Variants in CFAP44 observed in about 807,000 individuals in gnomAD.
The protein encoded by CFAP44 is cilia and flagella associated protein 44, also known as cilia- and flagella-associated protein 44.
CFAP44 carries 134 observed loss-of-function variants against 216.2 expected under a neutral mutation model. That is an observed-to-expected ratio of 0.62 (90% CI 0.54 to 0.72). The LOEUF (loss-of-function observed/expected upper bound fraction) is 0.72, where lower values mean the gene tolerates loss of function less well. Ranked by LOEUF, CFAP44 falls within the 30% of genes least tolerant of loss-of-function variation. CFAP44 has a pLI of 0.00. For synonymous variants in CFAP44, 700 were observed against 727.6 expected, an observed-to-expected ratio of 0.96 and a Z score of 0.61; for missense variants, 2,035 against 2,182.1, an observed-to-expected ratio of 0.93 and a Z score of 1.34.
intron 1 of CFAP44, among the ~76,000 whole-genome samples, chr3:113,436,495 A>G (rs916298866): frequency 6.6e-6 from 1 of 152,218 alleles, no homozygotes; most frequent in African/African-American, 2.4e-5. Flanking sequence ...GAAATCAACA[A>G]TTCTCTTTCA....
intron 28 of CFAP44, among the ~76,000 whole-genome samples, chr3:113,311,940 T>G (rs886976296): frequency 2.6e-5 from 4 of 152,138 alleles, no homozygotes; most frequent in Admixed American, 1.3e-4. Flanking sequence ...CCCTAGAGAT[T>G]TGTGGAACTT....
rs774801350 is a variant in CFAP44, at chr3:113,407,020, C to T, written c.912G>A (p.Thr304=). ...GHIKFWEMAF[T]FTGLKLQGSL... is the part of the protein sequence containing the mutation. ...ATCCCTGCAGCTTGAGACCGGTGAACGTAAAAGCCATTTCCCAGAACCTAC... is the reference window on the plus strand; with the variant it reads ...ATCCCTGCAGCTTGAGACCGGTGAATGTAAAAGCCATTTCCCAGAACCTAC... The change falls in exon 8 of 35, where the codon ACG becomes ACA. Residue 304 remains threonine (T), a synonymous_variant. Coordinates refer to ENST00000393845, the MANE Select transcript of CFAP44 (RefSeq NM_001164496.2). 9 of 1,613,984 alleles carry T rather than the reference C, an allele frequency of 5.6e-6. No homozygotes were observed. The highest frequency in any genetic ancestry group is 1.7e-4 in the Middle Eastern group (1 of 6,058).
intron 7 of CFAP44, 24 bp downstream of exon 7, chr3:113,409,082 A>T: frequency 1.3e-6 from 2 of 1,559,182 alleles, no homozygotes; most frequent in Non-Finnish European, 1.8e-6. Context: ...ATCTACTGGC[A>T]CCTCTATTGG....
At chr3:113,355,800 T>C (rs1478803256) in intron 22 of CFAP44, among the ~76,000 whole-genome samples, 2 of 151,094 alleles carry the variant, frequency 1.3e-5, no homozygotes, top group African/African-American at 4.9e-5. Context: ...AAAATTTAAG[T>C]ATATACAGAA....
At chr3:113,415,778 A>G (rs1934628599) in intron 6 of CFAP44, among the ~76,000 whole-genome samples, 1 of 152,100 alleles carries the variant, frequency 6.6e-6, no homozygotes, top group Admixed American at 6.6e-5. Flanking sequence ...TTTACTTCCA[A>G]TTATGTGGTC....
chr3:113,400,593 C>T lies in CFAP44; in HGVS notation c.1426G>A (p.Val476Met), dbSNP rs140356033. 4.4e-3 allele frequency: 7,023 copies of T among 1,610,688 alleles called. 24 individuals are homozygous for T. The highest frequency in any genetic ancestry group is 5.4e-3 in the Non-Finnish European group (6,329 of 1,178,332). The stretch of plus-strand genomic sequence containing the variant: ...AGATAAGTGAGAGGAGAAACAGCCA[C>T]GGCTTCAATAGCTCCAGAATGGAAG... ...FSFHSGAIEA[V>M]AVSPLTYLMA... Residue 476 changes from valine to methionine, a missense_variant, in exon 12 of 35, where the codon GTG becomes ATG. This residue lies in a region of CFAP44 where 1,883 missense variants were observed against 2,023.7 expected (regional missense o/e 0.93). Coordinates refer to ENST00000393845, the MANE Select transcript of CFAP44 (RefSeq NM_001164496.2).
At chr3:113,319,814 C>A (rs1384979346) in intron 28 of CFAP44, among the ~76,000 whole-genome samples, 4 of 151,992 alleles carry the variant, frequency 2.6e-5, no homozygotes, top group Non-Finnish European at 1.5e-5. Flanking sequence ...ATTGCTATAT[C>A]ACTAGTTAGA....
intron 28 of CFAP44, among the ~76,000 whole-genome samples, chr3:113,316,979 T>C (rs560845980): frequency 6.6e-6 from 1 of 151,546 alleles, no homozygotes; most frequent in Non-Finnish European, 1.5e-5. Flanking sequence ...CCACCATAAT[T>C]TAAAAATGTC....
chr3:113,418,940 G>A (rs1464786484), intron 5 of CFAP44, among the ~76,000 whole-genome samples: 2 of 151,762 alleles, frequency 1.3e-5, no homozygotes, highest in African/African-American at 2.4e-5. Context: ...TCCTGACCTC[G>A]TGATCCACCC....
At chr3:113,298,364 A>C (rs1949902100) in intron 32 of CFAP44, among the ~76,000 whole-genome samples, 1 of 152,142 alleles carries the variant, frequency 6.6e-6, no homozygotes, top group Non-Finnish European at 1.5e-5. Flanking sequence ...TCTCACCCTC[A>C]TGTTCTAGGC....
At chr3:113,401,376 A>G in intron 10 of CFAP44, 89 bp from the exon 11 acceptor site, 2 of 1,289,116 alleles carry the variant, frequency 1.6e-6, no homozygotes. Context: ...TAAAGTAAGG[A>G]CAAGCAATAA....
At chr3:113,408,179 G>A (rs1483491330) in intron 7 of CFAP44, among the ~76,000 whole-genome samples, 3 of 152,192 alleles carry the variant, frequency 2.0e-5, no homozygotes, top group African/African-American at 7.2e-5. Flanking sequence ...TAGAGACACT[G>A]ATAATCAAGT....
At chr3:113,320,416 T>TATATATATGATATATATTG (rs1236826573) in intron 28 of CFAP44, among the ~76,000 whole-genome samples, 3 of 127,168 alleles carry the variant, frequency 2.4e-5, no homozygotes, top group African/African-American at 6.2e-5. Flanking sequence ...ATATACATGA[T>TATATATATGATATATATTG]ATATATATGA....
chr3:113,336,017 A>G (rs1328659029), intron 24 of CFAP44, among the ~76,000 whole-genome samples: 1 of 152,218 alleles, frequency 6.6e-6, no homozygotes, highest in Non-Finnish European at 1.5e-5. Flanking sequence ...CTTTGGACTA[A>G]GTGATAATAA....
At chr3:113,370,593 A>G (rs893342350) in intron 18 of CFAP44, among the ~76,000 whole-genome samples, 5 of 152,208 alleles carry the variant, frequency 3.3e-5, no homozygotes, top group African/African-American at 1.2e-4. Context: ...AAATGATAAG[A>G]GCTATTTATG....
intron 29 of CFAP44, among the ~76,000 whole-genome samples, chr3:113,307,551 A>G (rs141707963): frequency 5.9e-5 from 9 of 152,210 alleles, no homozygotes; most frequent in African/African-American, 2.2e-4. Flanking sequence ...TCTTATATTT[A>G]TTGTCTTTCT....
Position 113,419,470 on chromosome 3 carries a change from A to C in CFAP44, c.570+547T>G, listed in dbSNP as rs1430591438. On this transcript the variant is annotated intron_variant, in intron 5 of 34. Coordinates refer to ENST00000393845, the MANE Select transcript of CFAP44 (RefSeq NM_001164496.2). Reference sequence around the variant, plus strand: ...TGAACTTATTAATTAGTCTTATAACAAACTCTCCGAGGACATGGACTTTTA... The same window carrying C: ...TGAACTTATTAATTAGTCTTATAACCAACTCTCCGAGGACATGGACTTTTA... Among the ~76,000 whole-genome samples the C allele has an allele frequency of 2.0e-5, 3 of 152,226 alleles. 1 individual carries two copies. Among genetic ancestry groups the C allele is most frequent in the Middle Eastern group, 6.3e-3 (2 of 316 alleles).
intron 8 of CFAP44, among the ~76,000 whole-genome samples, chr3:113,405,380 C>G (rs1934249432): frequency 6.6e-6 from 1 of 152,142 alleles, no homozygotes; most frequent in South Asian, 2.1e-4. Context: ...TCCATTTGTT[C>G]TGAGAAGTCT....
At chr3:113,426,016 C>T in intron 4 of CFAP44, 108 bp downstream of exon 4, 1 of 1,349,274 alleles carries the variant, frequency 7.4e-7, no homozygotes, top group East Asian at 2.3e-5. Flanking sequence ...ACTTGATTTA[C>T]CAAAACAGGT....
Sources: allele counts gnomAD v4.1 joint callset (sites outside exome capture counted in the v4.1 genomes callset), GRCh38; gene constraint gnomAD v4.1.1; regional missense constraint gnomAD v4.1.1; transcripts MANE v1.5; gene names NCBI Gene and HGNC (gene_info 2026-07-23, HGNC 2026-07-21).